The following ANK3 variants were observed in gnomAD, a reference collection of about 807,000 sequenced individuals.
ANK3 encodes the protein ankyrin 3.
ANK3 carries 57 observed loss-of-function variants against 370.9 expected under a neutral mutation model. The ratio of observed to expected loss-of-function variants is 0.15; its 90% CI spans 0.12 to 0.19. ANK3 has a LOEUF of 0.19. ANK3 is among the 10% of genes least tolerant of loss of function. The pLI is 1.00. For synonymous variants in ANK3, 1,929 were observed against 1,946.3 expected, an observed-to-expected ratio of 0.99 and a Z score of 0.23; for missense variants, 4,439 against 5,302.1, an observed-to-expected ratio of 0.84 and a Z score of 5.06.
intron 1 of ANK3, among the ~76,000 whole-genome samples, chr10:60,696,299 T>G (rs986292172): frequency 2.0e-5 from 3 of 149,610 alleles, no homozygotes; most frequent in Admixed American, 1.3e-4. Context: ...CCAGATGGAT[T>G]CACAGCCGAA....
intron 25 of ANK3, among the ~76,000 whole-genome samples, chr10:60,129,384 G>A (rs1447691721): frequency 2.0e-5 from 3 of 151,976 alleles, no homozygotes; most frequent in African/African-American, 7.3e-5. Flanking sequence ...TTCAACCTTG[G>A]GTTCATTTAG....
At chr10:60,318,492 A>C (rs1428779290) in intron 1 of ANK3, among the ~76,000 whole-genome samples, 1 of 152,242 alleles carries the variant, frequency 6.6e-6, no homozygotes, top group African/African-American at 2.4e-5. Context: ...GCTCTGACTT[A>C]CTGAACATCC....
intron 35 of ANK3, 113 bp downstream of exon 35, chr10:60,082,037 C>T: frequency 2.6e-6 from 2 of 781,006 alleles, no homozygotes; most frequent in Middle Eastern, 5.8e-4. Flanking sequence ...TACTTAAGAC[C>T]TGAAAAATAT....
intron 1 of ANK3, among the ~76,000 whole-genome samples, chr10:60,301,299 T>TATACACACAC (rs1566396145): frequency 6.8e-6 from 1 of 147,342 alleles, no homozygotes; most frequent in Non-Finnish European, 1.5e-5. Context: ...TACACACACA[T>TATACACACAC]ACATATATAC....
intron 1 of ANK3, among the ~76,000 whole-genome samples, chr10:60,723,343 C>A (rs921128771): frequency 1.3e-5 from 2 of 152,210 alleles, no homozygotes; most frequent in African/African-American, 4.8e-5. Flanking sequence ...CAAAACATAG[C>A]ATTGAAATTC....
chr10:60,311,474 C>CAAAAAA (rs57897005), intron 1 of ANK3, among the ~76,000 whole-genome samples: 1 of 125,896 alleles, frequency 7.9e-6, no homozygotes, highest in Non-Finnish European at 1.7e-5. Context: ...ATATGGAAGC[C>CAAAAAA]AAAAAAAAAA....
At chr10:60,639,084 G>A (rs1183064133) in intron 1 of ANK3, among the ~76,000 whole-genome samples, 1 of 151,814 alleles carries the variant, frequency 6.6e-6, no homozygotes, top group Non-Finnish European at 1.5e-5. Context: ...TAATCAAATT[G>A]CTGATAAAGA....
intron 1 of ANK3, among the ~76,000 whole-genome samples, chr10:60,298,762 A>C (rs1462955564): frequency 6.6e-6 from 1 of 152,186 alleles, no homozygotes; most frequent in Admixed American, 6.5e-5. Context: ...TTTGGATCTC[A>C]GATTTTTTAA....
Position 60,134,349 on chromosome 10 carries a change from C to T in ANK3, c.2763G>A (p.Arg921=). 1 of 1,613,676 alleles carries T rather than the reference C, an allele frequency of 6.2e-7. No homozygotes were observed. Among genetic ancestry groups the T allele is most frequent in the Non-Finnish European group, 8.5e-7 (1 of 1,179,838 alleles). The part of the protein sequence containing the change: ...SASLRSFSSD[R]SYTLNRSSYA... ...AGGAGCTTCTGTTCAAGGTGTAAGA[C>T]CTATCCGAACTGAAGGAGCGGAGGC... The change falls in exon 25 of 44, where the codon AGG becomes AGA. Residue 921 remains arginine, a synonymous_variant. Transcript: ENST00000280772.
At chr10:60,136,343 G>C (rs1417573139) in intron 24 of ANK3, among the ~76,000 whole-genome samples, 1 of 152,070 alleles carries the variant, frequency 6.6e-6, no homozygotes. Flanking sequence ...AGTAACTATA[G>C]GTGGCTAGTG....
chr10:60,716,920 A>T (rs968974289), intron 1 of ANK3, among the ~76,000 whole-genome samples: 1 of 152,220 alleles, frequency 6.6e-6, no homozygotes. Flanking sequence ...AAGTGTAGCT[A>T]TGAAACAAGA....
intron 8 of ANK3, among the ~76,000 whole-genome samples, chr10:60,231,696 C>T (rs1335937180): frequency 6.6e-6 from 1 of 152,156 alleles, no homozygotes; most frequent in Non-Finnish European, 1.5e-5. Context: ...ATGAAGAGAA[C>T]ACAAAACAGT....
intron 42 of ANK3, among the ~76,000 whole-genome samples, chr10:60,048,018 A>G (rs2077232344): frequency 6.6e-6 from 1 of 152,232 alleles, no homozygotes; most frequent in Non-Finnish European, 1.5e-5. Context: ...ATAGAAAAAG[A>G]ATGGATCCAC....
intron 2 of ANK3, among the ~76,000 whole-genome samples, chr10:60,468,647 G>C (rs12777495): frequency 6.6e-6 from 1 of 151,820 alleles, no homozygotes; most frequent in African/African-American, 2.4e-5. Context: ...TCCCAGCTCT[G>C]TCATTTACTA....
Position 60,490,241 on chromosome 10 carries a change from T to C in ANK3, c.96+124945A>G, listed in dbSNP as rs1185416861. On this transcript the variant is annotated intron_variant, in intron 2 of 43. Coordinates refer to the ANK3 transcript ENST00000373827. ...TACACCAGTGGTTCTCAGAGTCTTATCTAGATCAACATCATCTAAAAACTT... is the reference window on the plus strand; with the variant it reads ...TACACCAGTGGTTCTCAGAGTCTTACCTAGATCAACATCATCTAAAAACTT... Among the ~76,000 whole-genome samples, 5 of 152,336 alleles carry C rather than the reference T, an allele frequency of 3.3e-5. No homozygotes were observed. The East Asian group carries it at 7.7e-4, about 23-fold the overall frequency.
At chr10:60,100,390 C>T (rs1465594920) in intron 28 of ANK3, among the ~76,000 whole-genome samples, 9 of 151,946 alleles carry the variant, frequency 5.9e-5, no homozygotes, top group Non-Finnish European at 1.3e-4. Flanking sequence ...CACATCAGTG[C>T]TCAACTGCTT....
At chr10:60,343,496 G>T (rs533550848) in intron 1 of ANK3, among the ~76,000 whole-genome samples, 79 of 152,204 alleles carry the variant, frequency 5.2e-4, no homozygotes, top group African/African-American at 1.9e-3. Context: ...AGAAAGGGGA[G>T]TATAAGTAAG....
chr10:60,291,926 C>T (rs1208898918), intron 1 of ANK3, among the ~76,000 whole-genome samples: 1 of 152,112 alleles, frequency 6.6e-6, no homozygotes, highest in African/African-American at 2.4e-5. Context: ...GTAACCCAGG[C>T]TGTTCTTGAC....
intron 2 of ANK3, among the ~76,000 whole-genome samples, chr10:60,442,589 T>A (rs893344942): frequency 1.3e-5 from 2 of 152,210 alleles, no homozygotes; most frequent in African/African-American, 4.8e-5. Context: ...AACCTATGGA[T>A]GTTGAAACCA....
Sources: allele counts gnomAD v4.1 joint callset (sites outside exome capture counted in the v4.1 genomes callset), GRCh38; gene constraint gnomAD v4.1.1; transcripts MANE v1.5; gene names NCBI Gene and HGNC (gene_info 2026-07-23, HGNC 2026-07-21).